The following ANKRD13C variants were observed in gnomAD, a reference collection of about 807,000 sequenced individuals.
ANKRD13C encodes the protein ankyrin repeat domain 13C.
In ANKRD13C, 16 loss-of-function variants were observed where a neutral mutation model predicts 65.5. The ratio of observed to expected loss-of-function variants is 0.24; its 90% CI spans 0.17 to 0.37. The LOEUF (loss-of-function observed/expected upper bound fraction) is 0.37, where lower values mean the gene tolerates loss of function less well. Among genes scored for constraint, ANKRD13C ranks in the 10% least tolerant of loss-of-function variants. The pLI, the probability that ANKRD13C is intolerant of heterozygous loss-of-function variation, is 1.00. For synonymous variants in ANKRD13C, 235 were observed against 238.7 expected (o/e 0.98, Z 0.14); for missense variants, 503 against 655.9 (o/e 0.77, Z 2.55).
At position 70,336,555 on chromosome 1, in the gene ANKRD13C, C is replaced by T. The variant is rs75770285; in HGVS notation, c.431-456G>A. On this transcript the variant is annotated intron_variant, in intron 1 of 12. Coordinates refer to ENST00000370944, the MANE Select transcript of ANKRD13C (RefSeq NM_030816.5). Reference sequence around the variant, plus strand: ...TAAATAGAAGGGAGTACAGCCTGACCGTAGAACATATGGCAGAGCTCATAA... The same window carrying T: ...TAAATAGAAGGGAGTACAGCCTGACTGTAGAACATATGGCAGAGCTCATAA... Among the ~76,000 whole-genome samples, 1,336 of 151,992 alleles carry T rather than the reference C, an allele frequency of 8.8e-3. 8 individuals are homozygous for T. The highest frequency in any genetic ancestry group is 0.011 in the Non-Finnish European group (762 of 67,988).
rs190481285 is a variant in ANKRD13C, at chr1:70,342,574, A to T, written c.431-6475T>A. 2.5e-3 allele frequency among the ~76,000 whole-genome samples: 384 copies of T among 152,272 alleles called. 3 individuals carry two copies. Among genetic ancestry groups the T allele is most frequent in the Non-Finnish European group, 3.7e-3 (251 of 68,024 alleles). On this transcript the variant is annotated intron_variant, in intron 1 of 12. Transcript: ENST00000370944. The stretch of plus-strand genomic sequence containing the variant: ...AATAAAAAAAAGAAGAGACGTTTAC[A>T]ATCAAATGTATAAATTCCTGAATAT...
chr1:70,276,575 G>T (rs1488366342), intron 10 of ANKRD13C, among the ~76,000 whole-genome samples, 190 bp downstream of exon 10: 1 of 152,060 alleles, frequency 6.6e-6, no homozygotes, highest in East Asian at 1.9e-4. Context: ...TGCAAAGAGG[G>T]TACATAATTT....
Position 70,354,609 on chromosome 1 carries a change from G to C in ANKRD13C, c.-201C>G. 1.6e-6 allele frequency: 2 copies of C among 1,266,938 alleles called. No individual in the cohort carries two copies. The highest frequency in any genetic ancestry group is 2.1e-6 in the Non-Finnish European group (2 of 947,838). The allele number at this position is 1,266,938 out of a possible 1,614,324, so 78.5% of individuals were successfully genotyped here. On this transcript the variant is annotated 5_prime_UTR_variant, in exon 1 of 13. Coordinates refer to ENST00000370944, the MANE Select transcript of ANKRD13C (RefSeq NM_030816.5). ...CCTAGGCACGAAGGGACGCGCGCTC[G>C]CTGGGGGAAGCTAGAACTCAGGTGC...
intron 7 of ANKRD13C, 32 bp from the exon 8 acceptor site, chr1:70,296,293 T>C: frequency 2.5e-6 from 4 of 1,592,956 alleles, no homozygotes; most frequent in African/African-American, 1.4e-5. Flanking sequence ...AATATAAAAA[T>C]CTAGGTTTTT....
chr1:70,337,146 AAC>A (rs58715407), intron 1 of ANKRD13C, among the ~76,000 whole-genome samples: 17,478 of 145,162 alleles, frequency 0.12, 1,064 homozygotes, highest in Non-Finnish European at 0.15. Flanking sequence ...CCATGATTCA[AAC>A]ACACACACAC....
Position 70,354,434 on chromosome 1 carries a change from A to G in ANKRD13C, c.-26T>C. On this transcript the variant is annotated 5_prime_UTR_variant, in exon 1 of 13. Transcript: ENST00000370944. ...CGCCGCCGCCAGGGGCAAGGGGGGG[A>G]ATCGGGAGGCTCACCGCTGGCGACG... 6.3e-7 allele frequency: 1 copy of G among 1,597,334 alleles called. No individual in the cohort carries two copies. Among genetic ancestry groups the G allele is most frequent in the Non-Finnish European group, 8.5e-7 (1 of 1,171,460 alleles).
intron 12 of ANKRD13C, among the ~76,000 whole-genome samples, chr1:70,266,032 A>T (rs1157926542): frequency 6.6e-6 from 1 of 152,026 alleles, no homozygotes. Flanking sequence ...CAACATAAAA[A>T]TCAGGATATT....
chr1:70,291,740 G>A (rs1267142909), intron 9 of ANKRD13C, among the ~76,000 whole-genome samples: 1 of 152,056 alleles, frequency 6.6e-6, no homozygotes, highest in Non-Finnish European at 1.5e-5. Context: ...CTGGGAGGCG[G>A]AAGTTGCAGT....
At chr1:70,325,709 T>G (rs1171279767) in intron 2 of ANKRD13C, among the ~76,000 whole-genome samples, 1 of 151,794 alleles carries the variant, frequency 6.6e-6, no homozygotes, top group Non-Finnish European at 1.5e-5. Context: ...AAACCCCGTC[T>G]CTACTAAAAA....
intron 2 of ANKRD13C, among the ~76,000 whole-genome samples, chr1:70,332,973 G>C (rs1490410079): frequency 6.6e-6 from 1 of 152,130 alleles, no homozygotes; most frequent in East Asian, 1.9e-4. Flanking sequence ...AATTAGGAAG[G>C]ATTCCAGAAT....
At chr1:70,320,717 T>C (rs935362848) in intron 3 of ANKRD13C, among the ~76,000 whole-genome samples, 9 of 152,190 alleles carry the variant, frequency 5.9e-5, no homozygotes, top group African/African-American at 1.9e-4. Flanking sequence ...GTCATCATTT[T>C]CTTATAAGAA....
At chr1:70,352,745 T>C (rs1682801104) in intron 1 of ANKRD13C, among the ~76,000 whole-genome samples, 2 of 152,200 alleles carry the variant, frequency 1.3e-5, no homozygotes, top group South Asian at 4.1e-4. Flanking sequence ...TGTACTATAA[T>C]AGTAAAATGA....
chr1:70,273,976 T>C (rs1679010397), intron 11 of ANKRD13C, among the ~76,000 whole-genome samples: 1 of 151,888 alleles, frequency 6.6e-6, no homozygotes, highest in African/African-American at 2.4e-5. Flanking sequence ...CACTTTTAAA[T>C]GAAAACAAGG....
At chr1:70,307,046 G>GA (rs1209809485) in intron 5 of ANKRD13C, among the ~76,000 whole-genome samples, 1 of 152,086 alleles carries the variant, frequency 6.6e-6, no homozygotes, top group Non-Finnish European at 1.5e-5. Context: ...CCATATCAGA[G>GA]GTACATGTGT....
At chr1:70,265,244 T>C (rs1443156700) in intron 12 of ANKRD13C, among the ~76,000 whole-genome samples, 1 of 152,046 alleles carries the variant, frequency 6.6e-6, no homozygotes, top group Non-Finnish European at 1.5e-5. Context: ...GAGGGAGATG[T>C]GCTCCAGAAG....
intron 5 of ANKRD13C, among the ~76,000 whole-genome samples, chr1:70,311,840 G>A (rs983720620): frequency 3.3e-5 from 5 of 152,126 alleles, no homozygotes; most frequent in African/African-American, 9.7e-5. Context: ...GTATACAGAT[G>A]TTATAAAATC....
At chr1:70,324,229 T>A (rs1020528630) in intron 3 of ANKRD13C, among the ~76,000 whole-genome samples, 1 of 152,204 alleles carries the variant, frequency 6.6e-6, no homozygotes, top group African/African-American at 2.4e-5. Flanking sequence ...AAGATAATAT[T>A]CCCATTCATC....
At chr1:70,307,625 A>C (rs1473777941) in intron 5 of ANKRD13C, among the ~76,000 whole-genome samples, 1 of 152,162 alleles carries the variant, frequency 6.6e-6, no homozygotes, top group Non-Finnish European at 1.5e-5. Context: ...CCCTAGTGAA[A>C]TAATGTAAGA....
At chr1:70,353,842 A>C in intron 1 of ANKRD13C, 137 bp downstream of exon 1, 2 of 1,224,036 alleles carry the variant, frequency 1.6e-6, no homozygotes, top group Non-Finnish European at 2.2e-6. Context: ...TACTGAGTCG[A>C]TCATGATTTA....
Sources: gnomAD v4.1 joint callset for allele counts (sites outside exome capture counted in the v4.1 genomes callset) on GRCh38, gnomAD v4.1.1 for gene constraint, MANE v1.5 for transcripts, NCBI Gene and HGNC (gene_info 2026-07-23, HGNC 2026-07-21) for gene names.